The following LINGO2 variants were observed in gnomAD, a reference collection of about 807,000 sequenced individuals.
The protein encoded by LINGO2 is leucine-rich repeat and immunoglobulin-like domain-containing nogo receptor-interacting protein 2.
LINGO2 carries 14 observed loss-of-function variants against 30.6 expected under a neutral mutation model. The observed-to-expected ratio is 0.46, with a 90% confidence interval of 0.30 to 0.72. The LOEUF (loss-of-function observed/expected upper bound fraction) is 0.72. Among genes scored for constraint, LINGO2 ranks in the 30% least tolerant of loss-of-function variants. The pLI, the probability that LINGO2 is intolerant of heterozygous loss-of-function variation, is 0.07. For synonymous variants in LINGO2, 317 were observed against 288.5 expected (o/e 1.10, Z -1.00); for missense variants, 729 against 751.7 (o/e 0.97, Z 0.35).
chr9:28,149,080 G>T (rs1827904908), intron 4 of LINGO2: 1 of 1,534,514 alleles, frequency 6.5e-7, no homozygotes, highest in African/African-American at 1.4e-5. Flanking sequence ...CACTGTTGGT[G>T]GGTCAGGCTT....
chr9:28,969,750 A>T, the LINGO2 span, among the ~76,000 whole-genome samples: 2 of 152,182 alleles, frequency 1.3e-5, no homozygotes, highest in Non-Finnish European at 2.9e-5. Context: ...GAAGGAAGAG[A>T]GGAGATTCAA....
the LINGO2 span, among the ~76,000 whole-genome samples, chr9:28,978,622 T>C: frequency 2.0e-5 from 3 of 152,132 alleles, no homozygotes; most frequent in Non-Finnish European, 2.9e-5. Flanking sequence ...TTTTGTTTCA[T>C]TTTAAACTTA....
chr9:28,985,348 C>A, the LINGO2 span, among the ~76,000 whole-genome samples: 2 of 152,058 alleles, frequency 1.3e-5, no homozygotes, highest in African/African-American at 2.4e-5. Context: ...ACACCTCCGA[C>A]AAACTGACTT....
intron 4 of LINGO2, among the ~76,000 whole-genome samples, chr9:28,045,015 G>A (rs1232737807): frequency 6.6e-6 from 1 of 151,988 alleles, no homozygotes; most frequent in Non-Finnish European, 1.5e-5. Flanking sequence ...GTGTGCCAGT[G>A]GGCCCAGGGG....
the LINGO2 span, among the ~76,000 whole-genome samples, chr9:29,095,995 A>T: frequency 1.1e-3 from 158 of 139,208 alleles, 25 homozygotes; most frequent in Non-Finnish European, 1.8e-3. Flanking sequence ...ATACAAAAAA[A>T]AAATAAATAG....
chr9:28,774,709 T>A, the LINGO2 span, among the ~76,000 whole-genome samples: 1 of 152,172 alleles, frequency 6.6e-6, no homozygotes, highest in Non-Finnish European at 1.5e-5. Flanking sequence ...TACAATCCAA[T>A]ATGTAGTGGT....
the LINGO2 span, among the ~76,000 whole-genome samples, chr9:28,938,195 G>A: frequency 1.3e-5 from 2 of 152,138 alleles, no homozygotes; most frequent in Non-Finnish European, 2.9e-5. Flanking sequence ...CAGGACCTCT[G>A]CTGGAGTCAC....
At chr9:28,433,947 C>CTA (rs1417650474) in intron 2 of LINGO2, among the ~76,000 whole-genome samples, 3 of 61,108 alleles carry the variant, frequency 4.9e-5, no homozygotes, top group African/African-American at 1.5e-4. Context: ...CTCTCTCTCT[C>CTA]TCTATATATA....
intron 2 of LINGO2, among the ~76,000 whole-genome samples, chr9:28,408,778 AAAAAAAAAAC>A (rs1386130240): frequency 1.2e-5 from 1 of 81,498 alleles, no homozygotes; most frequent in East Asian, 3.9e-4. Context: ...AAAAAACAAA[AAAAAAAAAAC>A]AAAAAAAAAC....
chr9:28,249,140 T>C (rs1270038232), intron 4 of LINGO2, among the ~76,000 whole-genome samples: 1 of 152,096 alleles, frequency 6.6e-6, no homozygotes, highest in African/African-American at 2.4e-5. Context: ...CGAAGTATTA[T>C]TTTACCTTGG....
chr9:28,566,410 T>C (rs536501198), intron 1 of LINGO2, among the ~76,000 whole-genome samples: 5 of 152,290 alleles, frequency 3.3e-5, no homozygotes, highest in Middle Eastern at 3.4e-3. Flanking sequence ...TTTTCAGGAA[T>C]ATAACTACTA....
At chr9:28,558,232 T>C (rs1273710095) in intron 1 of LINGO2, among the ~76,000 whole-genome samples, 1 of 151,920 alleles carries the variant, frequency 6.6e-6, no homozygotes, top group African/African-American at 2.4e-5. Flanking sequence ...GATTTCGTTC[T>C]ACTTAAGGGT....
intron 5 of LINGO2, among the ~76,000 whole-genome samples, chr9:27,955,775 A>G (rs1819532106): frequency 6.6e-6 from 1 of 152,058 alleles, no homozygotes; most frequent in East Asian, 1.9e-4. Context: ...TTTCTTAAAT[A>G]TATACCTAGA....
chr9:28,967,367 C>G, the LINGO2 span, among the ~76,000 whole-genome samples: 1 of 152,120 alleles, frequency 6.6e-6, no homozygotes, highest in African/African-American at 2.4e-5. Flanking sequence ...AGAATACAAA[C>G]TATCCTACCA....
At chr9:29,193,982 A>G in the LINGO2 span, among the ~76,000 whole-genome samples, 9 of 152,296 alleles carry the variant, frequency 5.9e-5, no homozygotes, top group African/African-American at 2.2e-4. Context: ...GTGCCAAGTC[A>G]GGTAACAGCA....
chr9:28,884,990 A>ATTTT, the LINGO2 span, among the ~76,000 whole-genome samples: 2 of 5,174 alleles, frequency 3.9e-4, no homozygotes, highest in African/African-American at 1.3e-3. Context: ...AATATATAAT[A>ATTTT]ATATATTATA....
chr9:29,087,883 T>C, the LINGO2 span, among the ~76,000 whole-genome samples: 1 of 152,158 alleles, frequency 6.6e-6, no homozygotes, highest in African/African-American at 2.4e-5. Flanking sequence ...ATATATGTCC[T>C]CACTTGTAAA....
the LINGO2 span, among the ~76,000 whole-genome samples, chr9:28,771,493 GTGTGTGTGTGT>G: frequency 1.4e-5 from 2 of 138,102 alleles, no homozygotes; most frequent in African/African-American, 2.7e-5. Context: ...GTGTGTGTGT[GTGTGTGTGTGT>G]GTGAGAGAGA....
the LINGO2 span, among the ~76,000 whole-genome samples, chr9:29,102,084 C>CT: frequency 1.3e-3 from 184 of 145,046 alleles, no homozygotes; most frequent in East Asian, 5.2e-3. Context: ...ACATCTGCAT[C>CT]TTTTTTTTTT....
Sources: allele counts gnomAD v4.1 joint callset (sites outside exome capture counted in the v4.1 genomes callset), GRCh38; gene constraint gnomAD v4.1.1; transcripts MANE v1.5; gene names NCBI Gene and HGNC (gene_info 2026-07-23, HGNC 2026-07-21).